Variants in FRMPD4 observed in about 807,000 individuals in gnomAD.
FRMPD4 encodes the protein FERM and PDZ domain-containing protein 4.
A neutral mutation model predicts 94.1 loss-of-function variants in FRMPD4; 22 were observed. The ratio of observed to expected loss-of-function variants is 0.23; its 90% CI spans 0.17 to 0.33. The LOEUF (loss-of-function observed/expected upper bound fraction) is 0.33, where lower values mean the gene tolerates loss of function less well. FRMPD4 is among the 10% of genes least tolerant of loss of function. FRMPD4 has a pLI of 1.00. For missense variants in FRMPD4, 1,111 were observed against 1,339.9 expected, an observed-to-expected ratio of 0.83 and a Z score of 2.67; for synonymous variants, 631 against 548.6, an observed-to-expected ratio of 1.15 and a Z score of -2.10.
intron 5 of FRMPD4, among the ~76,000 whole-genome samples, chrX:12,681,262 C>A (rs2059968047): frequency 8.9e-6 from 1 of 111,940 alleles, no homozygotes. Flanking sequence ...TACCGCCTGC[C>A]TAAAATCATT....
chrX:11,961,216 C>T (rs182399452), intron 3 of FRMPD4, among the ~76,000 whole-genome samples: 1 of 112,320 alleles, frequency 8.9e-6, no homozygotes, highest in Admixed American at 9.4e-5. Flanking sequence ...GAGAATGGTA[C>T]ATGATTGGCT....
At chrX:12,124,518 G>A (rs1386671912) in intron 3 of FRMPD4, among the ~76,000 whole-genome samples, 2 of 111,804 alleles carry the variant, frequency 1.8e-5, no homozygotes, top group African/African-American at 6.5e-5. Context: ...TAATTAATGT[G>A]TAATTAAATG....
At chrX:12,010,510 G>T (rs1181445938) in intron 3 of FRMPD4, among the ~76,000 whole-genome samples, 1 of 112,155 alleles carries the variant, frequency 8.9e-6, no homozygotes, top group Non-Finnish European at 1.9e-5. Flanking sequence ...GTTAGGCAAT[G>T]TATTAGGCTT....
chrX:12,391,180 C>T (rs961973030), intron 1 of FRMPD4, among the ~76,000 whole-genome samples: 19 of 98,571 alleles, frequency 1.9e-4, no homozygotes, highest in Middle Eastern at 4.9e-3. Flanking sequence ...GTCATTGCTT[C>T]CCACCCACCC....
At position 12,172,125 on chromosome X, in the gene FRMPD4, G is replaced by C. The variant is rs373508389; in HGVS notation, c.41+33113G>C. ...TAGTTATATCTTAACCAATGCATAG[G>C]ATGTCTGTAGAATAGTCTATCAAGC... is the stretch of plus-strand genomic sequence containing the variant. On this transcript the variant is annotated intron_variant, in intron 1 of 16. Coordinates refer to ENST00000675598, the MANE Select transcript of FRMPD4 (RefSeq NM_001368397.1). Among the ~76,000 whole-genome samples the C allele has an allele frequency of 4.5e-5, 5 of 111,373 alleles. No homozygotes were observed. The East Asian group carries it at 1.4e-3, about 31-fold the overall frequency.
chrX:11,851,355 T>A (rs1278516910), intron 1 of FRMPD4, among the ~76,000 whole-genome samples: 1 of 111,492 alleles, frequency 9.0e-6, no homozygotes, highest in Non-Finnish European at 1.9e-5. Flanking sequence ...TCATAGACCC[T>A]TCTCCATTGA....
chrX:12,421,258 C>CTTTACTTATAAAAACCCTAAT (rs1347433657), intron 1 of FRMPD4, among the ~76,000 whole-genome samples: 1 of 111,787 alleles, frequency 8.9e-6, no homozygotes, highest in African/African-American at 3.3e-5. Context: ...CAAATGTGAC[C>CTTTACTTATAAAAACCCTAAT]TTTACTTATA....
intron 1 of FRMPD4, among the ~76,000 whole-genome samples, chrX:12,328,458 T>G (rs2055321932): frequency 9.0e-6 from 1 of 111,644 alleles, no homozygotes; most frequent in South Asian, 3.8e-4. Flanking sequence ...TAACCAAGCA[T>G]TTGACTGCAG....
intron 4 of FRMPD4, among the ~76,000 whole-genome samples, chrX:12,657,913 C>T (rs1187841229): frequency 8.9e-6 from 1 of 112,109 alleles, no homozygotes; most frequent in Non-Finnish European, 1.9e-5. Flanking sequence ...ACTACAACAT[C>T]ACTAGGTCTT....
intron 3 of FRMPD4, among the ~76,000 whole-genome samples, chrX:11,961,142 A>T (rs185982934): frequency 1.8e-5 from 2 of 111,950 alleles, no homozygotes; most frequent in Admixed American, 1.9e-4. Context: ...AGTAATTAAA[A>T]TGTTTGGTGC....
intron 3 of FRMPD4, among the ~76,000 whole-genome samples, chrX:12,052,451 G>C (rs147140073): frequency 1.8e-3 from 206 of 112,207 alleles, no homozygotes; most frequent in African/African-American, 6.5e-3. Flanking sequence ...TGAGTACTCA[G>C]TGTCTTTACA....
chrX:12,344,522 C>T lies in FRMPD4; in HGVS notation c.42-154158C>T, dbSNP rs150492605. 2.5e-4 allele frequency among the ~76,000 whole-genome samples: 28 copies of T among 111,658 alleles called. No homozygotes were observed. In the East Asian group the frequency reaches 5.9e-3, roughly 23 times the overall value. ...TTTGCAGTCCTTGTCAAAACCAACCCGTTTTCTTTATTATTCACCATCATT... is the reference window on the plus strand; with the variant it reads ...TTTGCAGTCCTTGTCAAAACCAACCTGTTTTCTTTATTATTCACCATCATT... On this transcript the variant is annotated intron_variant, in intron 1 of 16. Transcript: ENST00000675598.
intron 1 of FRMPD4, among the ~76,000 whole-genome samples, chrX:12,312,600 G>A (rs1303459724): frequency 9.0e-6 from 1 of 110,968 alleles, no homozygotes; most frequent in Non-Finnish European, 1.9e-5. Context: ...TTAAGGTGAT[G>A]TTTTTGTTTG....
intron 1 of FRMPD4, among the ~76,000 whole-genome samples, chrX:12,309,933 C>A (rs1357906940): frequency 8.9e-6 from 1 of 112,187 alleles, no homozygotes; most frequent in Non-Finnish European, 1.9e-5. Flanking sequence ...TGTGCAGGAG[C>A]AAAGCTAACA....
At chrX:12,159,566 T>A (rs564433358) in intron 1 of FRMPD4, among the ~76,000 whole-genome samples, 1 of 112,358 alleles carries the variant, frequency 8.9e-6, no homozygotes, top group South Asian at 3.7e-4. Flanking sequence ...TTCTGCAATA[T>A]GTCTCCATGT....
chrX:12,637,361 T>C (rs1602243526), intron 4 of FRMPD4, among the ~76,000 whole-genome samples: 1 of 112,227 alleles, frequency 8.9e-6, no homozygotes, highest in East Asian at 2.8e-4. Context: ...ACCAATATAT[T>C]CAAATGACTG....
chrX:12,337,649 G>A (rs779981515), intron 1 of FRMPD4, among the ~76,000 whole-genome samples: 41 of 112,048 alleles, frequency 3.7e-4, no homozygotes, highest in Non-Finnish European at 6.4e-4. Context: ...TCTCCACTTA[G>A]GATGGGTTGT....
In FRMPD4 at chrX:12,657,726, G is replaced by A. The variant is rs992383940; in HGVS notation, c.423-17137G>A. ...GTACACTCAAGGCATGTACTTTTCTGTATATTCATTATACTTAAAAAGTGT... is the reference window on the plus strand; with the variant it reads ...GTACACTCAAGGCATGTACTTTTCTATATATTCATTATACTTAAAAAGTGT... On this transcript the variant is annotated intron_variant, in intron 4 of 16. Coordinates refer to ENST00000675598, the MANE Select transcript of FRMPD4 (RefSeq NM_001368397.1). 4.5e-5 allele frequency among the ~76,000 whole-genome samples: 5 copies of A among 112,038 alleles called. 1 individual carries two copies. The highest frequency in any genetic ancestry group is 3.8e-4 in the Admixed American group (4 of 10,544).
At chrX:12,073,297 T>C (rs1046705174) in intron 3 of FRMPD4, among the ~76,000 whole-genome samples, 17 of 111,757 alleles carry the variant, frequency 1.5e-4, no homozygotes, top group African/African-American at 5.5e-4. Flanking sequence ...CATTCAGCTT[T>C]TCAGGCTGGA....
Sources: allele counts gnomAD v4.1 joint callset (sites outside exome capture counted in the v4.1 genomes callset), GRCh38; gene constraint gnomAD v4.1.1; transcripts MANE v1.5; gene names NCBI Gene and HGNC (gene_info 2026-07-23, HGNC 2026-07-21).